Variants in RUNX2 observed in about 807,000 individuals in gnomAD.
The protein encoded by RUNX2 is RUNX family transcription factor 2.
Under a neutral mutation model 51.7 loss-of-function variants are expected in RUNX2, and 10 were observed. The observed-to-expected ratio is 0.19, with a 90% confidence interval of 0.12 to 0.33. The LOEUF is 0.33. RUNX2 is among the 10% of genes least tolerant of loss of function. The pLI, the probability that RUNX2 is intolerant of heterozygous loss-of-function variation, is 1.00. For synonymous variants in RUNX2, 276 were observed against 273.6 expected (o/e 1.01, Z -0.09); for missense variants, 562 against 691.3 (o/e 0.81, Z 2.10).
At chr6:45,350,879 G>A (rs1016657452) in intron 2 of RUNX2, among the ~76,000 whole-genome samples, 2 of 152,064 alleles carry the variant, frequency 1.3e-5, no homozygotes, top group African/African-American at 2.4e-5. Flanking sequence ...GTTCCAGTTC[G>A]TGGCCTGTTG....
chr6:45,550,432 T>C lies in RUNX2; in HGVS notation c.*3127T>C, dbSNP rs528842708. On this transcript the variant is annotated 3_prime_UTR_variant, in exon 9 of 9. Transcript: ENST00000647337. The stretch of plus-strand genomic sequence containing the variant: ...TGTGATAAATTCAGAAGGGAGGAGA[T>C]GTGTGTACAGCTTTAAGGATTCCCT... 1 of 152,360 alleles carries C rather than the reference T, an allele frequency of 6.6e-6. No homozygotes were observed. The highest frequency in any genetic ancestry group is 1.9e-4 in the East Asian group (1 of 5,182). 9.4% of individuals were successfully genotyped at this position (152,360 alleles called of 1,614,324 possible). A position where few individuals can be genotyped will look rare whatever the true frequency, so the allele number is the denominator to read the frequency against.
At chr6:45,519,790 A>ATATATG (rs1554398519) in intron 7 of RUNX2, among the ~76,000 whole-genome samples, 1 of 124,086 alleles carries the variant, frequency 8.1e-6, no homozygotes, top group African/African-American at 3.1e-5. Context: ...ATATATATAT[A>ATATATG]TGTGTGTGTG....
intron 7 of RUNX2, among the ~76,000 whole-genome samples, chr6:45,524,471 C>T (rs1274398077): frequency 2.0e-5 from 3 of 151,964 alleles, no homozygotes; most frequent in African/African-American, 7.3e-5. Flanking sequence ...TCGCGCTGTA[C>T]CCAAAACGGT....
rs2150451986 is a variant in RUNX2, at chr6:45,545,221, T to C, written c.1026T>C (p.Asp342=). Residue 342 remains aspartate (D), a synonymous_variant, in exon 8 of 9, where the codon GAT becomes GAC. Coordinates refer to ENST00000647337, the MANE Select transcript of RUNX2 (RefSeq NM_001024630.4). ...ITDVPRRISD[D]DTATSDFCLW... is the part of the protein sequence containing the mutation. ...CTCATCCCCCTCATTTTACAGATGA[T>C]GACACTGCCACCTCTGACTTCTGCC... 3.9e-6 allele frequency: 6 copies of C among 1,549,054 alleles called. No individual in the cohort carries two copies. The highest frequency in any genetic ancestry group is 5.2e-6 in the Non-Finnish European group (6 of 1,146,550).
intron 2 of RUNX2, among the ~76,000 whole-genome samples, chr6:45,368,799 C>A (rs1319364977): frequency 6.6e-6 from 1 of 152,074 alleles, no homozygotes; most frequent in African/African-American, 2.4e-5. Context: ...GAACATCTCA[C>A]ATAATATAAA....
At chr6:45,479,680 G>A (rs1194870713) in intron 5 of RUNX2, among the ~76,000 whole-genome samples, 5 of 152,140 alleles carry the variant, frequency 3.3e-5, no homozygotes, top group African/African-American at 1.2e-4. Flanking sequence ...AAATAATTCA[G>A]CATGAAGCCA....
chr6:45,431,809 T>C, intron 3 of RUNX2, 54 bp from the exon 4 acceptor site: 1 of 1,587,640 alleles, frequency 6.3e-7, no homozygotes, highest in Non-Finnish European at 8.6e-7. Flanking sequence ...TATATTCTGT[T>C]TGTAAGCCTT....
chr6:45,530,915 A>G (rs1307332653), intron 7 of RUNX2, among the ~76,000 whole-genome samples: 1 of 152,266 alleles, frequency 6.6e-6, no homozygotes, highest in Non-Finnish European at 1.5e-5. Context: ...AAATAAATGC[A>G]TAGCAAGACT....
At chr6:45,533,918 A>G (rs1250307676) in intron 7 of RUNX2, among the ~76,000 whole-genome samples, 2 of 130,302 alleles carry the variant, frequency 1.5e-5, no homozygotes, top group Admixed American at 1.7e-4. Flanking sequence ...TTTTGGAGAC[A>G]GAGTCTCGCT....
At chr6:45,367,917 T>C (rs974575161) in intron 2 of RUNX2, among the ~76,000 whole-genome samples, 1 of 152,188 alleles carries the variant, frequency 6.6e-6, no homozygotes, top group African/African-American at 2.4e-5. Flanking sequence ...CTCTTTAAAA[T>C]AATTATTTCC....
chr6:45,373,678 G>A (rs1391668839), intron 2 of RUNX2, among the ~76,000 whole-genome samples: 1 of 152,118 alleles, frequency 6.6e-6, no homozygotes. Flanking sequence ...AGCCTCCTGA[G>A]TACCTGGGAC....
intron 2 of RUNX2, among the ~76,000 whole-genome samples, chr6:45,401,901 TC>T (rs1313002936): frequency 6.6e-6 from 1 of 152,260 alleles, no homozygotes; most frequent in African/African-American, 2.4e-5. Flanking sequence ...TGTATCCTTG[TC>T]AACCACTCAG....
chr6:45,367,262 G>A (rs887527170), intron 2 of RUNX2, among the ~76,000 whole-genome samples: 1 of 152,040 alleles, frequency 6.6e-6, no homozygotes, highest in Admixed American at 6.6e-5. Context: ...CACAAAAAGC[G>A]AAGGAAAACA....
intron 6 of RUNX2, among the ~76,000 whole-genome samples, chr6:45,498,648 T>G (rs1392404721): frequency 6.6e-6 from 1 of 152,200 alleles, no homozygotes; most frequent in Admixed American, 6.5e-5. Flanking sequence ...AATAATCTTA[T>G]CAGCAGTTAC....
In RUNX2 at chr6:45,431,959, G is replaced by C. The variant is rs1563083758; in HGVS notation, c.520G>C (p.Val174Leu). ...TGCTGAGCTCCGGAATGCCTCTGCT[G>C]TTATGAAAAACCAAGTAGCAAGGTT... Reference protein sequence around the residue: ...YSAELRNASAVMKNQVARFND... With the variant: ...YSAELRNASALMKNQVARFND... The change falls in exon 4 of 9, where the codon GTT (valine) becomes CTT (leucine). Residue 174 changes from valine (V) to leucine (L), a missense_variant. Coordinates refer to ENST00000647337, the MANE Select transcript of RUNX2 (RefSeq NM_001024630.4). 6.2e-7 allele frequency: 1 copy of C among 1,614,166 alleles called. No homozygotes were observed. Among genetic ancestry groups the C allele is most frequent in the Non-Finnish European group, 8.5e-7 (1 of 1,180,022 alleles).
chr6:45,499,868 T>C (rs918650913), intron 6 of RUNX2, among the ~76,000 whole-genome samples: 5 of 152,218 alleles, frequency 3.3e-5, no homozygotes, highest in African/African-American at 1.2e-4. Flanking sequence ...CCTATTCTTT[T>C]CCAACACATC....
chr6:45,540,738 A>G (rs910852128), intron 7 of RUNX2, among the ~76,000 whole-genome samples: 2 of 152,190 alleles, frequency 1.3e-5, no homozygotes, highest in Admixed American at 1.3e-4. Flanking sequence ...ACAGCAGGCC[A>G]TGGGTTTCTG....
chr6:45,424,078 A>G (rs1027211400), intron 3 of RUNX2, among the ~76,000 whole-genome samples: 1 of 152,260 alleles, frequency 6.6e-6, no homozygotes, highest in Non-Finnish European at 1.5e-5. Flanking sequence ...TGGCCTGAGC[A>G]CGGAGTGAGC....
chr6:45,393,162 T>G (rs1797506772), intron 2 of RUNX2, among the ~76,000 whole-genome samples: 2 of 152,336 alleles, frequency 1.3e-5, no homozygotes, highest in South Asian at 2.1e-4. Context: ...ATTTCTAGTC[T>G]GATAATTTCA....
Sources: gnomAD v4.1 joint callset for allele counts (sites outside exome capture counted in the v4.1 genomes callset) on GRCh38, gnomAD v4.1.1 for gene constraint, MANE v1.5 for transcripts, NCBI Gene and HGNC (gene_info 2026-07-23, HGNC 2026-07-21) for gene names.